The following CFAP54 variants were observed in gnomAD, a reference collection of about 807,000 sequenced individuals.
CFAP54 encodes cilia and flagella associated protein 54.
In CFAP54, 290 loss-of-function variants were observed where a neutral mutation model predicts 370.4. The observed-to-expected ratio is 0.78, with a 90% CI of 0.71 to 0.86. The LOEUF is 0.86. CFAP54 is among the 40% of genes least tolerant of loss of function. The pLI, the probability that CFAP54 is intolerant of heterozygous loss-of-function variation, is 0.00. For missense variants in CFAP54, 3,399 were observed against 3,528.7 expected, an observed-to-expected ratio of 0.96 and a Z score of 0.93; for synonymous variants, 1,206 against 1,236.5, an observed-to-expected ratio of 0.98 and a Z score of 0.52.
At chr12:96,695,940 C>T (rs1200368479) in intron 45 of CFAP54, among the ~76,000 whole-genome samples, 1 of 152,036 alleles carries the variant, frequency 6.6e-6, no homozygotes, top group African/African-American at 2.4e-5. Context: ...GAATGTATAC[C>T]CAAGACAATA....
At chr12:96,870,875 A>T (rs1035175335) in intron 67 of CFAP54, among the ~76,000 whole-genome samples, 3 of 152,230 alleles carry the variant, frequency 2.0e-5, no homozygotes, top group Non-Finnish European at 2.9e-5. Context: ...AACCAAAGGA[A>T]TGGTAATCCT....
chr12:96,644,492 AAC>A (rs1956768581), intron 33 of CFAP54, 84 bp downstream of exon 33: 4 of 984,448 alleles, frequency 4.1e-6, no homozygotes, highest in Non-Finnish European at 4.5e-6. Flanking sequence ...CAATGGTGCT[AAC>A]AACTTAAGGA....
chr12:96,623,813 T>G lies in CFAP54; in HGVS notation c.3818T>G (p.Leu1273Arg). The change falls in exon 28 of 68, where the codon CTA (leucine) becomes CGA (arginine). Residue 1273 changes from leucine to arginine, a missense_variant. Leu to Arg is a moderately radical substitution (Grantham distance 102). Coordinates refer to ENST00000524981, the MANE Select transcript of CFAP54 (RefSeq NM_001306084.2). ...SLKTKKPQQILLPEKINEQLA... is the reference protein window; with the variant it reads ...SLKTKKPQQIRLPEKINEQLA... The stretch of plus-strand genomic sequence containing the variant: ...AAGACTAAGAAGCCACAGCAGATAC[T>G]ACTGCCTGAAAAGATAAATGAACAG... The G allele has an allele frequency of 6.5e-7, 1 of 1,535,776 alleles. No individual in the cohort carries two copies. Among genetic ancestry groups the G allele is most frequent in the Non-Finnish European group, 8.7e-7 (1 of 1,146,656 alleles).
At chr12:96,715,871 A>G (rs553479998) in intron 48 of CFAP54, among the ~76,000 whole-genome samples, 3 of 151,978 alleles carry the variant, frequency 2.0e-5, no homozygotes, top group Admixed American at 6.6e-5. Context: ...TGCCCTTTTT[A>G]TGTTCCCTTC....
At chr12:96,519,197 C>A in intron 6 of CFAP54, 126 bp downstream of exon 6, 1 of 890,034 alleles carries the variant, frequency 1.1e-6, no homozygotes, top group Non-Finnish European at 1.6e-6. Context: ...CTCCCAGGTT[C>A]AAGCGATTCT....
At chr12:96,525,331 ATAT>A (rs1240175097) in intron 8 of CFAP54, among the ~76,000 whole-genome samples, 2 of 151,560 alleles carry the variant, frequency 1.3e-5, no homozygotes, top group Non-Finnish European at 1.5e-5. Flanking sequence ...ATTTTTATAG[ATAT>A]TATTATTTTG....
intron 22 of CFAP54, among the ~76,000 whole-genome samples, chr12:96,582,922 A>G (rs1167213557): frequency 6.6e-6 from 1 of 152,212 alleles, no homozygotes; most frequent in African/African-American, 2.4e-5. Context: ...TTTAAGTTTC[A>G]GCAAGTTAAT....
chr12:96,505,668 A>G (rs1955092035), intron 3 of CFAP54, among the ~76,000 whole-genome samples: 1 of 151,752 alleles, frequency 6.6e-6, no homozygotes, highest in African/African-American at 2.4e-5. Context: ...ATGCCTGGCT[A>G]ATTTTTGTAT....
At chr12:96,871,193 T>C (rs983719077) in intron 67 of CFAP54, among the ~76,000 whole-genome samples, 2 of 152,220 alleles carry the variant, frequency 1.3e-5, no homozygotes, top group Non-Finnish European at 2.9e-5. Context: ...TGGAAAGTTA[T>C]AGCTGAAAGG....
intron 61 of CFAP54, among the ~76,000 whole-genome samples, chr12:96,785,650 G>A (rs1342556083): frequency 6.6e-6 from 1 of 152,146 alleles, no homozygotes. Context: ...GAAAGGACAT[G>A]GACAAGAGCC....
At chr12:96,569,160 A>G (rs902138777) in intron 19 of CFAP54, among the ~76,000 whole-genome samples, 1 of 152,200 alleles carries the variant, frequency 6.6e-6, no homozygotes, top group African/African-American at 2.4e-5. Flanking sequence ...TCATAGAAAG[A>G]GGCAGAAATG....
chr12:96,668,698 A>G (rs1344818449), intron 39 of CFAP54, among the ~76,000 whole-genome samples: 1 of 152,218 alleles, frequency 6.6e-6, no homozygotes, highest in Admixed American at 6.5e-5. Context: ...TGCAGCTTGT[A>G]GGAATGATGC....
chr12:96,509,589 G>A (rs558476440), intron 4 of CFAP54, among the ~76,000 whole-genome samples: 4 of 151,906 alleles, frequency 2.6e-5, no homozygotes, highest in Non-Finnish European at 5.9e-5. Context: ...GCCAAGGCAA[G>A]CAGATCACCT....
chr12:96,861,004 T>C, intron 67 of CFAP54, 52 bp downstream of exon 67: 1 of 1,349,298 alleles, frequency 7.4e-7, no homozygotes, highest in Non-Finnish European at 9.7e-7. Flanking sequence ...TTGAGCTAAG[T>C]TTTTGGAACG....
chr12:96,525,110 G>A (rs1372875136), intron 8 of CFAP54, among the ~76,000 whole-genome samples: 2 of 151,786 alleles, frequency 1.3e-5, no homozygotes, highest in Non-Finnish European at 2.9e-5. Context: ...CAACTTGCAA[G>A]TACGAATTTT....
At chr12:96,625,646 G>A (rs1592891821) in intron 28 of CFAP54, 72 bp from the exon 29 acceptor site, 7 of 858,412 alleles carry the variant, frequency 8.2e-6, no homozygotes, top group East Asian at 2.8e-5. Flanking sequence ...AATTGTTATT[G>A]TGAATTACTC....
At chr12:96,554,823 T>C (rs1193344609) in intron 17 of CFAP54, 21 bp downstream of exon 17, 1 of 1,515,324 alleles carries the variant, frequency 6.6e-7, no homozygotes, top group Admixed American at 2.0e-5. Flanking sequence ...CTAAAGCAAG[T>C]AACCATTCTG....
At position 96,663,865 on chromosome 12, in the gene CFAP54, GATTA is replaced by G; in HGVS notation, c.5500_5503del (p.Asn1834LeufsTer14). 1.2e-6 allele frequency: 2 copies of G among 1,613,280 alleles called. No individual in the cohort carries two copies. Among genetic ancestry groups the G allele is most frequent in the Non-Finnish European group, 1.7e-6 (2 of 1,179,616 alleles). On this transcript the variant is annotated frameshift_variant, in exon 39 of 68. Transcript: ENST00000524981. LOFTEE classifies it high-confidence loss of function. ...GAAATTTCATTGGGAAGCAGCTTAA[GATTA>G]ATTCTTCAACCATTGAAGCAACAAG...
chr12:96,588,816 T>C (rs1286907597), intron 22 of CFAP54, among the ~76,000 whole-genome samples: 1 of 149,456 alleles, frequency 6.7e-6, no homozygotes, highest in Non-Finnish European at 1.5e-5. Flanking sequence ...GGTAAGTCAG[T>C]TTTTTTCTTT....
Sources: allele counts gnomAD v4.1 joint callset (sites outside exome capture counted in the v4.1 genomes callset), GRCh38; gene constraint gnomAD v4.1.1; transcripts MANE v1.5; gene names NCBI Gene and HGNC (gene_info 2026-07-23, HGNC 2026-07-21).